OSBPL10: variants seen among roughly 807,000 people sequenced by gnomAD.
OSBPL10 encodes oxysterol-binding protein-related protein 10.
Under a neutral mutation model 81.7 loss-of-function variants are expected in OSBPL10, and 49 were observed. The observed-to-expected ratio is 0.60, with a 90% CI of 0.48 to 0.76. The LOEUF is 0.76. OSBPL10 is among the 30% of genes least tolerant of loss of function. The probability of loss-of-function intolerance (pLI) is 0.00; values close to 1 mark genes in which losing one functional copy is unlikely to be tolerated. For missense variants in OSBPL10, 923 were observed against 987.8 expected (o/e 0.93, Z 0.88); for synonymous variants, 419 against 383.6 (o/e 1.09, Z -1.08).
At chr3:32,059,912 A>G (rs980928520) in intron 1 of OSBPL10, among the ~76,000 whole-genome samples, 3 of 152,018 alleles carry the variant, frequency 2.0e-5, no homozygotes, top group Admixed American at 6.6e-5. Context: ...ACCCTGTCTC[A>G]AAAGAAAGAA....
intron 2 of OSBPL10, among the ~76,000 whole-genome samples, chr3:32,000,813 G>C (rs564561172): frequency 6.6e-6 from 1 of 152,266 alleles, no homozygotes; most frequent in South Asian, 2.1e-4. Flanking sequence ...TTTGACTCCG[G>C]CCATGCGGTT....
chr3:31,885,647 T>C (rs1314184359), intron 1 of OSBPL10, among the ~76,000 whole-genome samples: 1 of 151,830 alleles, frequency 6.6e-6, no homozygotes, highest in Admixed American at 6.6e-5. Context: ...GGGCCTAGGA[T>C]TTCACCAACA....
At chr3:31,723,404 G>A (rs1696713710) in intron 6 of OSBPL10, among the ~76,000 whole-genome samples, 1 of 152,142 alleles carries the variant, frequency 6.6e-6, no homozygotes, top group South Asian at 2.1e-4. Flanking sequence ...GGGACAGGAT[G>A]GATAGCCAAA....
chr3:31,832,559 G>T (rs574818429), intron 3 of OSBPL10, among the ~76,000 whole-genome samples: 2 of 152,302 alleles, frequency 1.3e-5, no homozygotes, highest in Admixed American at 1.3e-4. Context: ...CAAAATGTAT[G>T]AGACAGTTTT....
intron 6 of OSBPL10, chr3:31,732,636 T>TA (rs1697011933): frequency 6.6e-6 from 1 of 152,362 alleles, no homozygotes; most frequent in African/African-American, 2.4e-5. Flanking sequence ...AGCGGCCACT[T>TA]AGAGGCAGAA....
chr3:32,024,486 A>ATTTTTTTTTT (rs34141476), intron 2 of OSBPL10, among the ~76,000 whole-genome samples: 1 of 111,768 alleles, frequency 8.9e-6, no homozygotes, highest in Non-Finnish European at 1.7e-5. Context: ...TGTGAATGGA[A>ATTTTTTTTTT]TTTTTTTTTT....
chr3:31,767,191 CTCTT>C (rs2125736663), intron 4 of OSBPL10, among the ~76,000 whole-genome samples: 2 of 152,304 alleles, frequency 1.3e-5, no homozygotes, highest in African/African-American at 4.8e-5. Flanking sequence ...AGCCAATTCT[CTCTT>C]TCAAGAGCCC....
chr3:31,783,112 T>TTTATATATATATATAC (rs1698742447), intron 4 of OSBPL10, among the ~76,000 whole-genome samples: 1 of 11,116 alleles, frequency 9.0e-5, no homozygotes, highest in Non-Finnish European at 2.0e-4. Flanking sequence ...ATATATCTAT[T>TTTATATATATATATAC]ATATATATAT....
chr3:31,739,973 A>G (rs1697290061), intron 5 of OSBPL10, among the ~76,000 whole-genome samples: 1 of 152,044 alleles, frequency 6.6e-6, no homozygotes, highest in East Asian at 1.9e-4. Context: ...CATCCTTTTG[A>G]ATTTTGCACT....
chr3:32,047,154 C>A (rs557435326), intron 1 of OSBPL10, among the ~76,000 whole-genome samples: 1 of 152,188 alleles, frequency 6.6e-6, no homozygotes, highest in East Asian at 1.9e-4. Flanking sequence ...TTTTCGTATT[C>A]TTTGTAGAGA....
At chr3:31,901,968 T>C (rs1696255468) in intron 1 of OSBPL10, among the ~76,000 whole-genome samples, 1 of 152,126 alleles carries the variant, frequency 6.6e-6, no homozygotes, top group African/African-American at 2.4e-5. Flanking sequence ...AGGCAGAGGT[T>C]GTAGTGAGCC....
At chr3:31,834,125 A>T (rs1339435478) in intron 3 of OSBPL10, among the ~76,000 whole-genome samples, 1 of 152,154 alleles carries the variant, frequency 6.6e-6, no homozygotes, top group East Asian at 1.9e-4. Flanking sequence ...AAGCACTATA[A>T]ATGAGCAGGC....
chr3:31,784,185 A>AAAAACAAAAC (rs1440964923), intron 4 of OSBPL10, among the ~76,000 whole-genome samples: 1 of 151,952 alleles, frequency 6.6e-6, no homozygotes, highest in Admixed American at 6.6e-5. Context: ...CTAAAAATAC[A>AAAAACAAAAC]AAAACAAAAC....
chr3:31,889,130 T>A (rs1212736592), intron 1 of OSBPL10, among the ~76,000 whole-genome samples: 1 of 152,100 alleles, frequency 6.6e-6, no homozygotes, highest in Non-Finnish European at 1.5e-5. Flanking sequence ...GCATGGCTAT[T>A]ATCAAAAAGA....
At chr3:32,030,510 C>A (rs1028809362) in intron 2 of OSBPL10, 5 of 724,934 alleles carry the variant, frequency 6.9e-6, no homozygotes, top group Non-Finnish European at 1.3e-5. Context: ...GAGATCGCTT[C>A]CTAAAATGCG....
chr3:31,698,601 T>TA (rs1695800536), intron 7 of OSBPL10, among the ~76,000 whole-genome samples: 1 of 152,102 alleles, frequency 6.6e-6, no homozygotes, highest in South Asian at 2.1e-4. Context: ...CTCACCAACT[T>TA]ACTCTCCTGC....
At chr3:31,934,827 C>A (rs1697342410) in intron 1 of OSBPL10, among the ~76,000 whole-genome samples, 1 of 152,092 alleles carries the variant, frequency 6.6e-6, no homozygotes, top group African/African-American at 2.4e-5. Context: ...CTATATATCA[C>A]CCTGGTATGA....
At chr3:31,960,725 A>G (rs1698135503) in intron 1 of OSBPL10, among the ~76,000 whole-genome samples, 1 of 152,176 alleles carries the variant, frequency 6.6e-6, no homozygotes. Flanking sequence ...AACTGTTGCA[A>G]GAGACTGTGC....
rs1700143161 is a variant in OSBPL10, at chr3:31,664,473, G to T, written c.2097-241C>A. ...GGCAGCATGCCTTTCTCAGGGCCCG[G>T]AGATTCTGGGAATCAAATCTAATAG... is the stretch of plus-strand genomic sequence containing the variant. On this transcript the variant is annotated intron_variant, in intron 10 of 11. Transcript: ENST00000396556. 6 of 579,400 alleles carry T rather than the reference G, an allele frequency of 1.0e-5. No individual in the cohort carries two copies. The South Asian group carries it at 1.3e-4, about 12-fold the overall frequency. The allele number at this position is 579,400 out of a possible 1,614,324, so 35.9% of individuals were successfully genotyped here. A position where few individuals can be genotyped will look rare whatever the true frequency, so the allele number is the denominator to read the frequency against.
Sources: gnomAD v4.1 joint callset for allele counts (sites outside exome capture counted in the v4.1 genomes callset) on GRCh38, gnomAD v4.1.1 for gene constraint, MANE v1.5 for transcripts, NCBI Gene and HGNC (gene_info 2026-07-23, HGNC 2026-07-21) for gene names.